Variants in SPTY2D1 observed in about 807,000 individuals in gnomAD.
SPTY2D1 encodes the protein protein SPT2 homolog.
A neutral mutation model predicts 64.0 loss-of-function variants in SPTY2D1; 21 were observed. The ratio of observed to expected loss-of-function variants is 0.33; its 90% CI spans 0.23 to 0.47. The LOEUF (loss-of-function observed/expected upper bound fraction) is 0.47. Ranked by LOEUF, SPTY2D1 falls within the 20% of genes least tolerant of loss-of-function variation. The probability of loss-of-function intolerance (pLI) is 1.00; values close to 1 mark genes in which losing one functional copy is unlikely to be tolerated. For synonymous variants in SPTY2D1, 287 were observed against 286.8 expected, an observed-to-expected ratio of 1.00 and a Z score of -0.01; for missense variants, 724 against 837.2, an observed-to-expected ratio of 0.86 and a Z score of 1.67.
At chr11:18,623,352 G>T (rs998878387) in intron 1 of SPTY2D1, among the ~76,000 whole-genome samples, 4 of 152,098 alleles carry the variant, frequency 2.6e-5, no homozygotes, top group Non-Finnish European at 4.4e-5. Context: ...CCATGTTCTT[G>T]TCTCCCCTCA....
At position 18,612,270 on chromosome 11, in the gene SPTY2D1, T is replaced by TA. The variant is rs763233120; in HGVS notation, c.1886+43dup. ...ACCCCATGACATGAATTATTCAAAATAAAAAAAGGATGTCATAGTTATCTG... is the reference window on the plus strand; with the variant it reads ...ACCCCATGACATGAATTATTCAAAATAAAAAAAAGGATGTCATAGTTATCTG... On this transcript the variant is annotated intron_variant, in intron 4 of 5. Coordinates refer to ENST00000336349, the MANE Select transcript of SPTY2D1 (RefSeq NM_194285.3). The surrounding 1 kb of genome is among the most constrained non-coding windows in gnomAD (Gnocchi z 4.6). 5 of 1,495,666 alleles carry TA rather than the reference T, an allele frequency of 3.3e-6. No individual in the cohort carries two copies. In the South Asian group the frequency reaches 3.9e-5, roughly 12 times the overall value. The allele number at this position is 1,495,666 out of a possible 1,614,324, so 92.6% of individuals were successfully genotyped here.
At chr11:18,610,157 TCACA>T (rs922504522) in intron 5 of SPTY2D1, 1 of 485,810 alleles carries the variant, frequency 2.1e-6, no homozygotes, top group African/African-American at 2.0e-5. Flanking sequence ...GAAAAAGAAC[TCACA>T]CACCACAAAA....
chr11:18,625,284 A>T (rs1001721972), intron 1 of SPTY2D1, among the ~76,000 whole-genome samples: 3 of 152,224 alleles, frequency 2.0e-5, no homozygotes, highest in Non-Finnish European at 4.4e-5. Context: ...AGAGGATAAA[A>T]ATTAATAACC....
At chr11:18,625,553 C>CA (rs1854481721) in intron 1 of SPTY2D1, among the ~76,000 whole-genome samples, 1 of 149,542 alleles carries the variant, frequency 6.7e-6, no homozygotes, top group Non-Finnish European at 1.5e-5. Context: ...CAACACATCT[C>CA]ATTTTTTTTT....
chr11:18,616,846 A>T (rs762316463), intron 2 of SPTY2D1, 29 bp downstream of exon 2: 3 of 1,603,090 alleles, frequency 1.9e-6, no homozygotes, highest in Non-Finnish European at 2.6e-6. Flanking sequence ...GAATACTTTA[A>T]AATTGAGAAT....
chr11:18,626,711 T>G (rs1055024247), intron 1 of SPTY2D1, among the ~76,000 whole-genome samples: 2 of 152,224 alleles, frequency 1.3e-5, no homozygotes, highest in Non-Finnish European at 1.5e-5. Flanking sequence ...TTATGATGAT[T>G]AAATTAATAT....
At chr11:18,613,777 A>G (rs1173771061) in intron 3 of SPTY2D1, among the ~76,000 whole-genome samples, 2 of 152,164 alleles carry the variant, frequency 1.3e-5, no homozygotes. Context: ...CAATGATCAT[A>G]TACCTTGGGA....
At chr11:18,633,536 G>A (rs1854622171) in intron 1 of SPTY2D1, among the ~76,000 whole-genome samples, 1 of 152,230 alleles carries the variant, frequency 6.6e-6, no homozygotes, top group South Asian at 2.1e-4. Context: ...ATGGGACCTA[G>A]ATTTTAAACA....
chr11:18,616,732 G>GACACACACACACACAC (rs72301459), intron 2 of SPTY2D1, 143 bp downstream of exon 2: 43 of 487,678 alleles, frequency 8.8e-5, no homozygotes, highest in African/African-American at 7.1e-4. Context: ...AGTTAACCTG[G>GACACACACACACACAC]ACACACACAC....
At chr11:18,619,179 T>C (rs1854349738) in intron 1 of SPTY2D1, among the ~76,000 whole-genome samples, 1 of 152,172 alleles carries the variant, frequency 6.6e-6, no homozygotes, top group Admixed American at 6.6e-5. Context: ...ACAAGGAGCT[T>C]ACATTTTCAT....
intron 1 of SPTY2D1, among the ~76,000 whole-genome samples, chr11:18,619,685 A>T (rs181174835): frequency 6.6e-6 from 1 of 152,160 alleles, no homozygotes; most frequent in Admixed American, 6.5e-5. Context: ...TGAACCAGGG[A>T]GTCGGAGGCT....
chr11:18,630,523 T>C lies in SPTY2D1; in HGVS notation c.60+3675A>G, dbSNP rs563592006. ...AGAGTCTGAAAGGCTGAAGTGGCTGTACAGGTGTTTGGATTTTAGTCTAAT... is the reference window on the plus strand; with the variant it reads ...AGAGTCTGAAAGGCTGAAGTGGCTGCACAGGTGTTTGGATTTTAGTCTAAT... On this transcript the variant is annotated intron_variant, in intron 1 of 5. Transcript: ENST00000336349. 5.3e-5 allele frequency among the ~76,000 whole-genome samples: 8 copies of C among 152,314 alleles called. No individual in the cohort carries two copies. The East Asian group carries it at 9.7e-4, about 18-fold the overall frequency.
chr11:18,621,330 GAAAA>G (rs1854394060), intron 1 of SPTY2D1, among the ~76,000 whole-genome samples: 1 of 95,766 alleles, frequency 1.0e-5, no homozygotes, highest in Admixed American at 1.0e-4. Context: ...AAACAGAAAA[GAAAA>G]GAAAAGAAAA....
intron 1 of SPTY2D1, among the ~76,000 whole-genome samples, chr11:18,623,752 A>G (rs1565161693): frequency 6.6e-6 from 1 of 152,236 alleles, no homozygotes; most frequent in East Asian, 1.9e-4. Flanking sequence ...TCAGGCCTCC[A>G]TAATCAATTC....
chr11:18,631,502 A>C (rs1854586995), intron 1 of SPTY2D1, among the ~76,000 whole-genome samples: 1 of 151,710 alleles, frequency 6.6e-6, no homozygotes, highest in African/African-American at 2.4e-5. Context: ...GCTTGCAGTG[A>C]GCCAAGATTT....
intron 1 of SPTY2D1, among the ~76,000 whole-genome samples, chr11:18,630,288 A>G (rs10734261): frequency 0.36 from 54,208 of 151,922 alleles, 11,229 homozygotes; most frequent in Middle Eastern, 0.49. Context: ...CATCCTGACC[A>G]ACATGGTGAA....
chr11:18,630,061 C>T (rs144445338), intron 1 of SPTY2D1, among the ~76,000 whole-genome samples: 2 of 150,778 alleles, frequency 1.3e-5, no homozygotes, highest in African/African-American at 4.9e-5. Flanking sequence ...CCCAGCTACT[C>T]GGAAGGCTAA....
chr11:18,619,394 G>A (rs1406507447), intron 1 of SPTY2D1, among the ~76,000 whole-genome samples: 1 of 150,664 alleles, frequency 6.6e-6, no homozygotes, highest in East Asian at 1.9e-4. Context: ...TGAGGCGGGA[G>A]GACAGCTTGA....
intron 1 of SPTY2D1, among the ~76,000 whole-genome samples, chr11:18,618,678 A>C (rs1486378865): frequency 1.3e-5 from 2 of 152,226 alleles, no homozygotes; most frequent in Non-Finnish European, 2.9e-5. Flanking sequence ...AAATTGAGAC[A>C]ACTTAGGAAC....
Sources: allele counts gnomAD v4.1 joint callset (sites outside exome capture counted in the v4.1 genomes callset), GRCh38; gene constraint gnomAD v4.1.1; non-coding constraint Gnocchi (gnomAD v3.1); transcripts MANE v1.5; gene names NCBI Gene and HGNC (gene_info 2026-07-23, HGNC 2026-07-21).